NAV2: variants seen among roughly 807,000 people sequenced by gnomAD.
NAV2 encodes the protein helicase, APC down-regulated 1.
A neutral mutation model predicts 223.2 loss-of-function variants in NAV2; 54 were observed. The observed-to-expected ratio is 0.24, with a 90% confidence interval of 0.19 to 0.30. The LOEUF (loss-of-function observed/expected upper bound fraction) is 0.30, where lower values mean the gene tolerates loss of function less well. NAV2 is among the 10% of genes least tolerant of loss of function. The probability of loss-of-function intolerance (pLI) is 1.00; values close to 1 mark genes in which losing one functional copy is unlikely to be tolerated. For synonymous variants in NAV2, 1,279 were observed against 1,239.3 expected (o/e 1.03, Z -0.67); for missense variants, 2,806 against 3,147.5 (o/e 0.89, Z 2.60).
Position 19,934,063 on chromosome 11 carries a change from G to T in NAV2, c.1819G>T (p.Gly607Cys). The T allele has an allele frequency of 6.2e-7, 1 of 1,607,108 alleles. No homozygotes were observed. The highest frequency in any genetic ancestry group is 1.1e-5 in the South Asian group (1 of 90,184). Residue 607 changes from glycine (G) to cysteine (C), a missense_variant, in exon 7 of 38, where the codon GGC (glycine) becomes TGC (cysteine). Gly to Cys is a radical substitution (Grantham distance 159). Around this residue, in one of 4 missense-constraint regions of NAV2, gnomAD observed 1,167 missense variants for 1,180.5 expected, o/e 0.99. Transcript: ENST00000349880. ...GLPQQKPQLDGRHSSSSSSLA... is the reference protein window; with the variant it reads ...GLPQQKPQLDCRHSSSSSSLA... ...CCCCCAGCAGAAGCCCCAGCTGGACGGCAGACACTCCAGTTCCTCTTCCAG... is the reference window on the plus strand; with the variant it reads ...CCCCCAGCAGAAGCCCCAGCTGGACTGCAGACACTCCAGTTCCTCTTCCAG...
At chr11:19,955,747 T>G (rs2047799722) in intron 10 of NAV2, among the ~76,000 whole-genome samples, 1 of 151,838 alleles carries the variant, frequency 6.6e-6, no homozygotes. Flanking sequence ...TCAAAGGGGG[T>G]AGATTAATAG....
At chr11:19,685,162 G>T (rs1209738377) in intron 1 of NAV2, among the ~76,000 whole-genome samples, 1 of 152,132 alleles carries the variant, frequency 6.6e-6, no homozygotes, top group African/African-American at 2.4e-5. Flanking sequence ...CCCTCAGAAG[G>T]CCCCACAGAC....
chr11:19,384,003 T>G (rs1477174242), intron 1 of NAV2, among the ~76,000 whole-genome samples: 1 of 152,182 alleles, frequency 6.6e-6, no homozygotes, highest in East Asian at 1.9e-4. Context: ...AATAAGAAAT[T>G]GGCTAAATAA....
At position 19,381,225 on chromosome 11, in the gene NAV2, T is replaced by C. The variant is rs75486141; in HGVS notation, c.75+30198T>C. Reference sequence around the variant, plus strand: ...CCCTACTATCACAGTTATCACTCTATACCTTCTCTGTCAATTTCCTTGTCT... The same window carrying C: ...CCCTACTATCACAGTTATCACTCTACACCTTCTCTGTCAATTTCCTTGTCT... On this transcript the variant is annotated intron_variant, in intron 1 of 37. Coordinates refer to the NAV2 transcript ENST00000360655. Among the ~76,000 whole-genome samples the C allele has an allele frequency of 9.0e-3, 1,364 of 152,290 alleles. 21 individuals are homozygous for C. The highest frequency in any genetic ancestry group is 0.031 in the African/African-American group (1,297 of 41,558).
chr11:19,790,860 T>G (rs1226379099), intron 1 of NAV2, among the ~76,000 whole-genome samples: 16 of 152,030 alleles, frequency 1.1e-4, no homozygotes, highest in Non-Finnish European at 1.5e-5. Flanking sequence ...AGGGAAGAAC[T>G]GCAGCTTCAA....
At chr11:19,901,584 T>C (rs1241699528) in intron 6 of NAV2, among the ~76,000 whole-genome samples, 1 of 152,154 alleles carries the variant, frequency 6.6e-6, no homozygotes, top group East Asian at 1.9e-4. Flanking sequence ...CAACAACTAC[T>C]TTGTAGTACA....
intron 7 of NAV2, among the ~76,000 whole-genome samples, chr11:19,934,791 G>A (rs1412279541): frequency 6.7e-6 from 1 of 148,608 alleles, no homozygotes; most frequent in Admixed American, 6.8e-5. Flanking sequence ...AAGGGAGAGG[G>A]ACATTGGGGA....
chr11:19,550,657 C>T (rs551763095), intron 1 of NAV2, among the ~76,000 whole-genome samples: 3 of 152,196 alleles, frequency 2.0e-5, no homozygotes, highest in Non-Finnish European at 4.4e-5. Flanking sequence ...AATAGATGCC[C>T]ACAATGCTGT....
upstream of NAV2, among the ~76,000 whole-genome samples, chr11:19,348,378 A>G (rs1853114929): frequency 6.6e-6 from 1 of 152,152 alleles, no homozygotes; most frequent in South Asian, 2.1e-4. Flanking sequence ...TGAAAAGTGT[A>G]GATTCTGAAC....
At chr11:19,523,285 G>C (rs1002346662) in intron 1 of NAV2, among the ~76,000 whole-genome samples, 3 of 152,166 alleles carry the variant, frequency 2.0e-5, no homozygotes, top group Non-Finnish European at 4.4e-5. Flanking sequence ...ATGCTTGTCA[G>C]GCTGTTCCCT....
intron 1 of NAV2, among the ~76,000 whole-genome samples, chr11:19,615,230 G>GAT (rs891493320): frequency 1.3e-4 from 19 of 151,258 alleles, no homozygotes; most frequent in South Asian, 4.2e-4. Context: ...TCATACATAT[G>GAT]ATATATATAT....
chr11:20,088,854 CT>C lies in NAV2; in HGVS notation c.5499-2009del, dbSNP rs542331067. On this transcript the variant is annotated intron_variant, in intron 26 of 37. Transcript: ENST00000349880. ...ACTGTTCTCTGCAGTGAATCTGAGCCTTCAAGATTCATGTAGGACATGATTT... is the reference window on the plus strand; with the variant it reads ...ACTGTTCTCTGCAGTGAATCTGAGCCTCAAGATTCATGTAGGACATGATTT... Among the ~76,000 whole-genome samples, 1,002 of 152,204 alleles carry C rather than the reference CT, an allele frequency of 6.6e-3. 9 individuals are homozygous for C. Among genetic ancestry groups the C allele is most frequent in the Non-Finnish European group, 8.8e-3 (601 of 68,012 alleles).
chr11:19,356,331 A>G (rs1247440941), intron 1 of NAV2, among the ~76,000 whole-genome samples: 1 of 152,160 alleles, frequency 6.6e-6, no homozygotes, highest in Non-Finnish European at 1.5e-5. Context: ...CAATGAAGAG[A>G]ATGTGAGATA....
At chr11:19,553,320 C>T (rs1347993045) in intron 1 of NAV2, among the ~76,000 whole-genome samples, 3 of 152,210 alleles carry the variant, frequency 2.0e-5, no homozygotes, top group Admixed American at 6.5e-5. Context: ...TTAATTTCAT[C>T]GTCTTGAGCA....
chr11:19,752,281 C>A (rs2053889895), intron 1 of NAV2, among the ~76,000 whole-genome samples: 1 of 152,154 alleles, frequency 6.6e-6, no homozygotes, highest in South Asian at 2.1e-4. Context: ...TGAGCCCTGG[C>A]CTGGGTACCT....
chr11:20,041,642 A>C (rs2056925722), intron 12 of NAV2, among the ~76,000 whole-genome samples: 1 of 152,200 alleles, frequency 6.6e-6, no homozygotes, highest in African/African-American at 2.4e-5. Flanking sequence ...CCATGAGGTT[A>C]ATGATTTATA....
chr11:19,377,795 G>T lies in NAV2; in HGVS notation c.75+26768G>T, dbSNP rs528639184. Among the ~76,000 whole-genome samples the T allele has an allele frequency of 3.9e-5, 6 of 152,284 alleles. No homozygotes were observed. The East Asian group carries it at 5.8e-4, about 15-fold the overall frequency. On this transcript the variant is annotated intron_variant, in intron 1 of 37. Coordinates refer to the NAV2 transcript ENST00000360655. Reference sequence around the variant, plus strand: ...CAGGTCTCCTGCTTCCCAGGGCAAAGGTTCTGCCATTCCATGAAAATTCCC... The same window carrying T: ...CAGGTCTCCTGCTTCCCAGGGCAAATGTTCTGCCATTCCATGAAAATTCCC...
chr11:19,414,082 A>G (rs568128466), intron 1 of NAV2, among the ~76,000 whole-genome samples: 1 of 152,222 alleles, frequency 6.6e-6, no homozygotes, highest in Non-Finnish European at 1.5e-5. Flanking sequence ...TTAACCTTAA[A>G]TGTAAATGGG....
chr11:20,028,005 A>G (rs1313932771), intron 11 of NAV2, among the ~76,000 whole-genome samples: 1 of 152,232 alleles, frequency 6.6e-6, no homozygotes, highest in Non-Finnish European at 1.5e-5. Context: ...GGACCATTAC[A>G]GATTCTTGCT....
Sources: allele counts gnomAD v4.1 joint callset (sites outside exome capture counted in the v4.1 genomes callset), GRCh38; gene constraint gnomAD v4.1.1; regional missense constraint gnomAD v4.1.1; transcripts MANE v1.5; gene names NCBI Gene and HGNC (gene_info 2026-07-23, HGNC 2026-07-21).